The following MYO3A variants were observed in gnomAD, a reference collection of about 807,000 sequenced individuals.
The protein encoded by MYO3A is myosin-IIIa.
MYO3A carries 180 observed loss-of-function variants against 192.7 expected under a neutral mutation model. The ratio of observed to expected loss-of-function variants is 0.93; its 90% CI spans 0.83 to 1.06. The LOEUF (loss-of-function observed/expected upper bound fraction) is 1.06. MYO3A is among the 50% of genes least tolerant of loss of function. MYO3A has a pLI of 0.00. For synonymous variants in MYO3A, 628 were observed against 645.3 expected, an observed-to-expected ratio of 0.97 and a Z score of 0.41; for missense variants, 1,896 against 1,905.0, an observed-to-expected ratio of 1.00 and a Z score of 0.09.
intron 31 of MYO3A, among the ~76,000 whole-genome samples, chr10:26,192,231 A>G (rs1177860374): frequency 6.6e-6 from 1 of 152,204 alleles, no homozygotes; most frequent in Non-Finnish European, 1.5e-5. Flanking sequence ...ATATTAACAG[A>G]AAGAGTAGGA....
At chr10:25,998,497 G>C (rs1014131408) in intron 6 of MYO3A, among the ~76,000 whole-genome samples, 2 of 152,066 alleles carry the variant, frequency 1.3e-5, no homozygotes, top group Non-Finnish European at 2.9e-5. Flanking sequence ...CTATGTTTCT[G>C]GTTGAATTCA....
chr10:25,951,021 A>G (rs1837176957), intron 2 of MYO3A, among the ~76,000 whole-genome samples: 1 of 152,168 alleles, frequency 6.6e-6, no homozygotes, highest in Admixed American at 6.5e-5. Context: ...TTGGAAGAAA[A>G]CATAAAATGT....
At chr10:26,186,266 C>CG (rs1554842746) in intron 31 of MYO3A, among the ~76,000 whole-genome samples, 2 of 129,726 alleles carry the variant, frequency 1.5e-5, no homozygotes, top group Non-Finnish European at 3.2e-5. Context: ...TGATATCCTT[C>CG]TTTTTTTTTT....
chr10:26,211,954 G>C lies in MYO3A; in HGVS notation c.4842G>C (p.Gln1614His), dbSNP rs959066166. 1 of 1,613,862 alleles carries C rather than the reference G, an allele frequency of 6.2e-7. No individual in the cohort carries two copies. Among genetic ancestry groups the C allele is most frequent in the Non-Finnish European group, 8.5e-7 (1 of 1,179,968 alleles). Residue 1614 changes from glutamine to histidine, a missense_variant, in exon 35 of 35, where the codon CAG becomes CAC. Physicochemically the swap from Gln to His is conservative, Grantham distance 24 (BLOSUM62 0). Transcript: ENST00000642920. ...RKTSQRRRLV[Q>H]QS ...CCTCCCAGCGCCGGCGCCTCGTCCA[G>C]CAGTCCTAACCGTTCAACGAGGCAG...
chr10:26,040,064 A>G (rs901368305), intron 10 of MYO3A, among the ~76,000 whole-genome samples: 3 of 151,500 alleles, frequency 2.0e-5, no homozygotes, highest in African/African-American at 7.3e-5. Flanking sequence ...AGGTTATGGT[A>G]TGTTGTGCGA....
intron 29 of MYO3A, among the ~76,000 whole-genome samples, chr10:26,173,258 G>A (rs1842142071): frequency 6.6e-6 from 1 of 152,138 alleles, no homozygotes. Context: ...AGTACAGTAT[G>A]TCAGCCAAGT....
At chr10:25,938,924 A>G (rs897291362) in intron 2 of MYO3A, among the ~76,000 whole-genome samples, 3 of 152,196 alleles carry the variant, frequency 2.0e-5, no homozygotes, top group Admixed American at 2.0e-4. Context: ...AGCCTCTTTC[A>G]CCAATAGATT....
chr10:25,980,293 A>AAAAC lies in MYO3A; in HGVS notation c.304-16186_304-16183dup, dbSNP rs1279891525. ...AATGCTTATAAAATCTCTTCCAGGCAAAACAAACAAACAACAATAAGAACA... is the reference window on the plus strand; with the variant it reads ...AATGCTTATAAAATCTCTTCCAGGCAAAACAAACAAACAAACAACAATAAGAACA... On this transcript the variant is annotated intron_variant, in intron 4 of 34. Transcript: ENST00000642920. 7.2e-5 allele frequency among the ~76,000 whole-genome samples: 11 copies of AAAAC among 151,860 alleles called. No homozygotes were observed. The South Asian group carries it at 2.3e-3, about 32-fold the overall frequency.
chr10:26,202,052 C>G (rs74474962), intron 33 of MYO3A, among the ~76,000 whole-genome samples: 1 of 152,104 alleles, frequency 6.6e-6, no homozygotes, highest in South Asian at 2.1e-4. Context: ...ATGTTACTTG[C>G]AAGTATAGCA....
At chr10:26,018,902 T>G (rs1159784949) in intron 7 of MYO3A, among the ~76,000 whole-genome samples, 13 of 152,188 alleles carry the variant, frequency 8.5e-5, no homozygotes, top group Admixed American at 8.5e-4. Context: ...AAAGACATTA[T>G]TTTTACACTC....
intron 34 of MYO3A, among the ~76,000 whole-genome samples, chr10:26,208,360 A>G (rs1267952758): frequency 6.6e-6 from 1 of 152,202 alleles, no homozygotes. Flanking sequence ...GCATCAACAA[A>G]AAAAGAGGCA....
At chr10:25,994,382 C>T (rs1020733106) in intron 4 of MYO3A, among the ~76,000 whole-genome samples, 1 of 152,148 alleles carries the variant, frequency 6.6e-6, no homozygotes, top group African/African-American at 2.4e-5. Flanking sequence ...CTTCCTCTAT[C>T]CCTTTATTTT....
chr10:25,948,676 T>C (rs2130510499), intron 2 of MYO3A, among the ~76,000 whole-genome samples: 1 of 152,292 alleles, frequency 6.6e-6, no homozygotes, highest in South Asian at 2.1e-4. Flanking sequence ...GACATTCTAT[T>C]TCATTCTTAA....
At chr10:26,009,875 A>G (rs1841510388) in intron 6 of MYO3A, among the ~76,000 whole-genome samples, 1 of 152,338 alleles carries the variant, frequency 6.6e-6, no homozygotes, top group African/African-American at 2.4e-5. Context: ...TGTGGTGGGC[A>G]GGAGAGAGGA....
Position 26,128,491 on chromosome 10 carries a change from G to T in MYO3A, c.2215G>T (p.Glu739Ter), listed in dbSNP as rs1564576526. The T allele has an allele frequency of 6.2e-7, 1 of 1,612,734 alleles. No individual in the cohort carries two copies. The highest frequency in any genetic ancestry group is 8.5e-7 in the Non-Finnish European group (1 of 1,179,164). The change falls in exon 20 of 35, where the codon GAA becomes TAA. Residue 739 changes from glutamate to a stop codon, truncating the protein, a stop_gained. Coordinates refer to ENST00000642920, the MANE Select transcript of MYO3A (RefSeq NM_017433.5). LOFTEE classifies it high-confidence loss of function. ...GCAGCTGTGCATTAACATTGCAAATGAACAAATTCAGTATTATTATAATCA... is the reference window on the plus strand; with the variant it reads ...GCAGCTGTGCATTAACATTGCAAATTAACAAATTCAGTATTATTATAATCA... ...FEQLCINIAN[E>*]QIQYYYNQHV...
chr10:26,159,094 C>G (rs1841328556), intron 26 of MYO3A, among the ~76,000 whole-genome samples: 1 of 151,324 alleles, frequency 6.6e-6, no homozygotes, highest in Non-Finnish European at 1.5e-5. Context: ...GGGTTCACAC[C>G]ATTCTCCTGC....
chr10:26,059,219 T>C (rs980389041), intron 10 of MYO3A, among the ~76,000 whole-genome samples: 1 of 152,188 alleles, frequency 6.6e-6, no homozygotes, highest in African/African-American at 2.4e-5. Flanking sequence ...ACTTCCACTA[T>C]GATAATGAAA....
intron 17 of MYO3A, among the ~76,000 whole-genome samples, chr10:26,112,918 AT>A (rs1838278503): frequency 6.6e-6 from 1 of 152,158 alleles, no homozygotes; most frequent in Non-Finnish European, 1.5e-5. Flanking sequence ...TTTAGAAACA[AT>A]TTTTACCATA....
intron 26 of MYO3A, among the ~76,000 whole-genome samples, chr10:26,159,132 A>G (rs1292480286): frequency 1.3e-5 from 2 of 150,524 alleles, no homozygotes; most frequent in Admixed American, 6.6e-5. Context: ...CTAGAACTAC[A>G]GGCGCCCGCC....
Sources: allele counts gnomAD v4.1 joint callset (sites outside exome capture counted in the v4.1 genomes callset), GRCh38; gene constraint gnomAD v4.1.1; transcripts MANE v1.5; gene names NCBI Gene and HGNC (gene_info 2026-07-23, HGNC 2026-07-21).